SET: variants seen among roughly 807,000 people sequenced by gnomAD.
The protein encoded by SET is SET nuclear proto-oncogene, also known as protein SET.
A neutral mutation model predicts 39.0 loss-of-function variants in SET; 4 were observed. That is an observed-to-expected ratio of 0.10 (90% CI 0.05 to 0.23). The LOEUF (loss-of-function observed/expected upper bound fraction) is 0.23, where lower values mean the gene tolerates loss of function less well. Ranked by LOEUF, SET falls within the 10% of genes least tolerant of loss-of-function variation. The pLI is 1.00. For missense variants in SET, 137 were observed against 329.7 expected (o/e 0.42, Z 4.53); for synonymous variants, 114 against 115.9 (o/e 0.98, Z 0.11).
chr9:128,688,536 G>GTACC (rs1861367072), upstream of SET, among the ~76,000 whole-genome samples: 1 of 152,278 alleles, frequency 6.6e-6, no homozygotes, highest in South Asian at 2.1e-4. Flanking sequence ...GACTAATGTG[G>GTACC]TACCTCCCTG....
Position 128,696,218 on chromosome 9 carries a change from A to G in SET, c.*1554A>G, listed in dbSNP as rs1382254567. ...TTAATGGACAGTCTGGTGAACTTCA[A>G]AAGCTTTTTGATGTATAAAACTTGA... On this transcript the variant is annotated 3_prime_UTR_variant, in exon 8 of 8. Transcript: ENST00000322030. 2 of 206,562 alleles carry G rather than the reference A, an allele frequency of 9.7e-6. No homozygotes were observed. The highest frequency in any genetic ancestry group is 2.3e-5 in the African/African-American group (1 of 44,142). The allele number at this position is 206,562 out of a possible 1,614,324, so 12.8% of individuals were successfully genotyped here. A position where few individuals can be genotyped will look rare whatever the true frequency, so the allele number is the denominator to read the frequency against.
chr9:128,691,337 C>G (rs1229303151), intron 2 of SET, 110 bp downstream of exon 2: 4 of 736,226 alleles, frequency 5.4e-6, no homozygotes, highest in African/African-American at 5.3e-5. Flanking sequence ...GGAAATGATT[C>G]TAACTTGGTT....
In SET at chr9:128,695,804, A is replaced by C. The variant is rs1182658522; in HGVS notation, c.*1140A>C. 1 of 228,148 alleles carries C rather than the reference A, an allele frequency of 4.4e-6. No individual in the cohort carries two copies. The allele number at this position is 228,148 out of a possible 1,614,324, so 14.1% of individuals were successfully genotyped here. On this transcript the variant is annotated 3_prime_UTR_variant, in exon 8 of 8. Transcript: ENST00000322030. The stretch of plus-strand genomic sequence containing the variant: ...CCAGATAGCTCAATACTCTCTGAGT[A>C]CATTGTGCCCTTGATTTTTATCTCC...
upstream of SET, chr9:128,689,193 G>A: frequency 1.1e-6 from 1 of 918,938 alleles, no homozygotes; most frequent in Non-Finnish European, 1.3e-6. Context: ...ATCCGCGCGG[G>A]GCCTGGCGCG....
Position 128,692,255 on chromosome 9 carries a change from T to C in SET, c.274+255T>C, listed in dbSNP as rs549308324. On this transcript the variant is annotated intron_variant, in intron 3 of 7. Transcript: ENST00000322030. ...TACAAAAAAAATTAGCTGGGCGTGG[T>C]GGCGCGCGCTTGTAATCCCAGCTAC... 92 of 373,176 alleles carry C rather than the reference T, an allele frequency of 2.5e-4. No homozygotes were observed. In the Admixed American group the frequency reaches 4.0e-3, roughly 16 times the overall value. 23.1% of individuals were successfully genotyped at this position (373,176 alleles called of 1,614,324 possible). A position where few individuals can be genotyped will look rare whatever the true frequency, so the allele number is the denominator to read the frequency against.
rs1861686349 is a variant in SET at position 128,695,129 on chromosome 9, A to G, written c.*465A>G. On this transcript the variant is annotated 3_prime_UTR_variant, in exon 8 of 8. Coordinates refer to ENST00000322030, the MANE Select transcript of SET (RefSeq NM_003011.4). ...AGCATTTACCAACATGTATCTGTCT[A>G]CTTTCTCTTGTTTAAAAAAAGAAAA... The G allele has an allele frequency of 4.4e-6, 1 of 224,970 alleles. No homozygotes were observed. The highest frequency in any genetic ancestry group is 1.8e-4 in the South Asian group (1 of 5,462). The allele number at this position is 224,970 out of a possible 1,614,324, so 13.9% of individuals were successfully genotyped here.
chr9:128,694,056 T>C lies in SET; in HGVS notation c.810+14T>C, dbSNP rs1181005751. Reference sequence around the variant, plus strand: ...GAGGAAGGAGAGGTAAAAGAAAATTTGGCTAAACCCACAAAGATAACTTTT... The same window carrying C: ...GAGGAAGGAGAGGTAAAAGAAAATTCGGCTAAACCCACAAAGATAACTTTT... On this transcript the variant is annotated intron_variant, in intron 7 of 7. Coordinates refer to ENST00000322030, the MANE Select transcript of SET (RefSeq NM_003011.4). The C allele has an allele frequency of 2.7e-6, 4 of 1,504,332 alleles. No homozygotes were observed. The African/African-American group carries it at 5.6e-5, about 21-fold the overall frequency. 93.2% of individuals were successfully genotyped at this position (1,504,332 alleles called of 1,614,324 possible).
chr9:128,687,610 C>T (rs1351854085), upstream of SET, among the ~76,000 whole-genome samples: 1 of 97,738 alleles, frequency 1.0e-5, no homozygotes, highest in East Asian at 2.8e-4. Context: ...TTGGTCCCCT[C>T]CCCCACCAAA....
chr9:128,686,353 T>C (rs558865289), upstream of SET, among the ~76,000 whole-genome samples: 1 of 152,170 alleles, frequency 6.6e-6, no homozygotes, highest in African/African-American at 2.4e-5. Flanking sequence ...AAAGGGAACC[T>C]GAAAGCCCAC....
upstream of SET, among the ~76,000 whole-genome samples, chr9:128,688,287 C>T (rs1272299422): frequency 6.6e-6 from 1 of 152,162 alleles, no homozygotes; most frequent in African/African-American, 2.4e-5. Flanking sequence ...GCTGGAGGGA[C>T]AGAATGTGGG....
At chr9:128,686,067 G>A (rs1861276727), upstream of SET, among the ~76,000 whole-genome samples, 1 of 151,702 alleles carries the variant, frequency 6.6e-6, no homozygotes, top group Admixed American at 6.6e-5. Context: ...GAGGAGAGGA[G>A]AGAGGCAAGG....
intron 5 of SET, among the ~76,000 whole-genome samples, 162 bp from the exon 6 acceptor site, chr9:128,693,475 CT>C (rs1279647044): frequency 6.6e-6 from 1 of 152,162 alleles, no homozygotes. Flanking sequence ...CTACCTCTAC[CT>C]GCTGCACAGT....
intron 7 of SET, 78 bp from the exon 8 acceptor site, chr9:128,694,563 C>A: frequency 2.1e-6 from 2 of 948,770 alleles, no homozygotes; most frequent in Non-Finnish European, 3.2e-6. Flanking sequence ...CAGGGGCACT[C>A]GTGGGGTCCA....
intron 3 of SET, 21 bp from the exon 4 acceptor site, chr9:128,692,641 A>C: frequency 6.6e-7 from 1 of 1,511,922 alleles, no homozygotes; most frequent in Non-Finnish European, 9.2e-7. Flanking sequence ...AATTCAGCTG[A>C]CCTGTAATTT....
At chr9:128,691,718 C>T (rs1442957775) in intron 2 of SET, 140 bp from the exon 3 acceptor site, 5 of 815,168 alleles carry the variant, frequency 6.1e-6, no homozygotes, top group East Asian at 5.4e-5. Flanking sequence ...TTTTGAGTGT[C>T]TAAATTAGGT....
rs953186559 is a variant in SET at position 128,689,543 on chromosome 9, C to T, written c.-40C>T. The stretch of plus-strand genomic sequence containing the variant: ...GCCCGCCCCCTTCGCCTTCCCTTCT[C>T]TCCCCCTCCCCGCTCCCCCCCCGAC... On this transcript the variant is annotated 5_prime_UTR_variant, in exon 1 of 8. Coordinates refer to ENST00000322030, the MANE Select transcript of SET (RefSeq NM_003011.4). The T allele has an allele frequency of 1.8e-6, 2 of 1,132,576 alleles. No individual in the cohort carries two copies. The highest frequency in any genetic ancestry group is 2.4e-6 in the Non-Finnish European group (2 of 850,632). 70.2% of individuals were successfully genotyped at this position (1,132,576 alleles called of 1,614,324 possible). A position where few individuals can be genotyped will look rare whatever the true frequency, so the allele number is the denominator to read the frequency against.
rs1357785773 is a variant in SET at position 128,695,547 on chromosome 9, TTC to T, written c.*888_*889del. ...TGTGTACACAAAGGATTTGATGCTTTTCTCTCAGCATAGGTATGCTTACTATG... is the reference window on the plus strand; with the variant it reads ...TGTGTACACAAAGGATTTGATGCTTTTCTCAGCATAGGTATGCTTACTATG... On this transcript the variant is annotated 3_prime_UTR_variant, in exon 8 of 8. Transcript: ENST00000322030. The T allele has an allele frequency of 3.1e-5, 7 of 223,860 alleles. No homozygotes were observed. Among genetic ancestry groups the T allele is most frequent in the Admixed American group, 5.7e-5 (1 of 17,558 alleles). 13.9% of individuals were successfully genotyped at this position (223,860 alleles called of 1,614,324 possible). A position where few individuals can be genotyped will look rare whatever the true frequency, so the allele number is the denominator to read the frequency against.
At chr9:128,691,621 A>G (rs1861537784) in intron 2 of SET, among the ~76,000 whole-genome samples, 1 of 152,192 alleles carries the variant, frequency 6.6e-6, no homozygotes, top group African/African-American at 2.4e-5. Context: ...GTAAATACAC[A>G]CGTTACCAGA....
upstream of SET, chr9:128,689,156 G>A (rs1351675902): frequency 3.5e-6 from 2 of 566,702 alleles, no homozygotes; most frequent in South Asian, 7.7e-5. Flanking sequence ...GCGCCGCGGC[G>A]CGAGCCTCCC....
Sources: allele counts gnomAD v4.1 joint callset (sites outside exome capture counted in the v4.1 genomes callset), GRCh38; gene constraint gnomAD v4.1.1; transcripts MANE v1.5; gene names NCBI Gene and HGNC (gene_info 2026-07-23, HGNC 2026-07-21).